AMPD2: variants seen among roughly 807,000 people sequenced by gnomAD.
AMPD2 encodes the protein adenosine monophosphate deaminase 2.
AMPD2 carries 52 observed loss-of-function variants against 91.3 expected under a neutral mutation model. The observed-to-expected ratio is 0.57, with a 90% CI of 0.46 to 0.72. AMPD2 has a LOEUF of 0.72. Ranked by LOEUF, AMPD2 falls within the 30% of genes least tolerant of loss-of-function variation. AMPD2 has a pLI of 0.00. For synonymous variants in AMPD2, 455 were observed against 456.4 expected (o/e 1.00, Z 0.04); for missense variants, 822 against 1,122.3 (o/e 0.73, Z 3.82).
intron 6 of AMPD2, 75 bp downstream of exon 6, chr1:109,626,502 G>A (rs1366411503): frequency 6.9e-7 from 1 of 1,445,606 alleles, no homozygotes; most frequent in South Asian, 1.3e-5. Context: ...GGAGAGCTGG[G>A]GGTGGGGGCT....
Position 109,628,080 on chromosome 1 carries a change from C to A in AMPD2, c.1081-3C>A. 1 of 1,612,608 alleles carries A rather than the reference C, an allele frequency of 6.2e-7. No homozygotes were observed. Among genetic ancestry groups the A allele is most frequent in the Non-Finnish European group, 8.5e-7 (1 of 1,179,170 alleles). On this transcript the variant is annotated splice_region_variant and splice_polypyrimidine_tract_variant and intron_variant, in intron 10 of 18. Coordinates refer to ENST00000528667, the MANE Select transcript of AMPD2 (RefSeq NM_001368809.2). The surrounding 1 kb of genome is among the most constrained non-coding windows in gnomAD (Gnocchi z 7.1). Reference sequence around the variant, plus strand: ...GGATCAGCAGTGCCCTGTTCCATTCCAGGTGGACACCCACATCCATGCCTC... The same window carrying A: ...GGATCAGCAGTGCCCTGTTCCATTCAAGGTGGACACCCACATCCATGCCTC...
chr1:109,624,007 C>T lies in AMPD2; in HGVS notation c.92-1296C>T. ...CACTTGGTACAGCCTGTGCCAGCCC[C>T]TGAGGGACCGGCTGCAGCTTCACTG... On this transcript the variant is annotated intron_variant, in intron 2 of 18. Coordinates refer to ENST00000528667, the MANE Select transcript of AMPD2 (RefSeq NM_001368809.2). This position sits in a 1 kb window ranked among gnomAD's most constrained non-coding sequence, Gnocchi z 5.2. 1 of 985,764 alleles carries T rather than the reference C, an allele frequency of 1.0e-6. No homozygotes were observed. The highest frequency in any genetic ancestry group is 1.2e-6 in the Non-Finnish European group (1 of 830,180). The allele number at this position is 985,764 out of a possible 1,614,324, so 61.1% of individuals were successfully genotyped here.
rs1306835212 is a variant in AMPD2 at position 109,628,834 on chromosome 1, C to A, written c.1571+28C>A. ...GAGTGTCCCTGGAGTGGGAGGGGAA[C>A]CTGCGGGGTCATATTCAAGGGGTCA... On this transcript the variant is annotated intron_variant, in intron 13 of 18. Transcript: ENST00000528667. The surrounding 1 kb of genome is among the most constrained non-coding windows in gnomAD (Gnocchi z 7.1). 3.9e-6 allele frequency: 6 copies of A among 1,543,752 alleles called. No individual in the cohort carries two copies. The highest frequency in any genetic ancestry group is 2.0e-4 in the Middle Eastern group (1 of 4,896).
chr1:109,623,997 G>C, intron 2 of AMPD2: 1 of 985,690 alleles, frequency 1.0e-6, no homozygotes, highest in Non-Finnish European at 1.2e-6. Context: ...GGTACAGCCT[G>C]TGCCAGCCCC....
Position 109,628,941 on chromosome 1 carries a change from G to A in AMPD2, c.1571+135G>A, listed in dbSNP as rs1650960082. 3 of 1,431,722 alleles carry A rather than the reference G, an allele frequency of 2.1e-6. No homozygotes were observed. Among genetic ancestry groups the A allele is most frequent in the African/African-American group, 1.4e-5 (1 of 70,262 alleles). The allele number at this position is 1,431,722 out of a possible 1,614,324, so 88.7% of individuals were successfully genotyped here. Reference sequence around the variant, plus strand: ...TCTGAGTGCAAGGAAGGGCTTCCTGGTCCCATCCATGGTCTGTCCAGCCTG... The same window carrying A: ...TCTGAGTGCAAGGAAGGGCTTCCTGATCCCATCCATGGTCTGTCCAGCCTG... On this transcript the variant is annotated intron_variant, in intron 13 of 18. Coordinates refer to ENST00000528667, the MANE Select transcript of AMPD2 (RefSeq NM_001368809.2). The surrounding 1 kb of genome is among the most constrained non-coding windows in gnomAD (Gnocchi z 7.1).
chr1:109,622,238 G>T (rs529418564), intron 2 of AMPD2: 14 of 456,224 alleles, frequency 3.1e-5, no homozygotes, highest in Middle Eastern at 3.2e-4. Flanking sequence ...GCCCAGGTCT[G>T]TGCCATCCAG....
At position 109,624,657 on chromosome 1, in the gene AMPD2, G is replaced by T. The variant is rs1570581317; in HGVS notation, c.92-646G>T. Among the ~76,000 whole-genome samples the T allele has an allele frequency of 6.6e-6, 1 of 152,254 alleles. No homozygotes were observed. The highest frequency in any genetic ancestry group is 1.9e-4 in the East Asian group (1 of 5,168). ...GGGGACAGGGCGGGCCTCCAGGGAG[G>T]AGGTAGGGTTCCCTTGCCAACCAGG... is the stretch of plus-strand genomic sequence containing the variant. On this transcript the variant is annotated intron_variant, in intron 2 of 18. Coordinates refer to ENST00000528667, the MANE Select transcript of AMPD2 (RefSeq NM_001368809.2). This position sits in a 1 kb window ranked among gnomAD's most constrained non-coding sequence, Gnocchi z 5.2.
chr1:109,626,558 G>A lies in AMPD2; in HGVS notation c.531+131G>A, dbSNP rs1390424424. ...CAGCAGCTGGAGGGGCGGAGGGGCA[G>A]AGGGGCTGCCTAGGAGCCACTTGAT... On this transcript the variant is annotated intron_variant, in intron 6 of 18. Coordinates refer to ENST00000528667, the MANE Select transcript of AMPD2 (RefSeq NM_001368809.2). The A allele has an allele frequency of 5.4e-6, 7 of 1,301,308 alleles. No individual in the cohort carries two copies. The Admixed American group carries it at 1.5e-4, about 28-fold the overall frequency. The allele number at this position is 1,301,308 out of a possible 1,614,324, so 80.6% of individuals were successfully genotyped here. A position where few individuals can be genotyped will look rare whatever the true frequency, so the allele number is the denominator to read the frequency against.
In AMPD2 at chr1:109,625,620, G is replaced by A. The variant is rs747939217; in HGVS notation, c.223-42G>A. On this transcript the variant is annotated intron_variant, in intron 3 of 18. Coordinates refer to ENST00000528667, the MANE Select transcript of AMPD2 (RefSeq NM_001368809.2). This position sits in a 1 kb window ranked among gnomAD's most constrained non-coding sequence, Gnocchi z 4.0. ...CAGACTCTGTAGGAGAGTGCCCGAG[G>A]GCGGAGGGCCAGCCATGCTGACCTT... is the stretch of plus-strand genomic sequence containing the variant. 3 of 1,609,742 alleles carry A rather than the reference G, an allele frequency of 1.9e-6. No homozygotes were observed. Among genetic ancestry groups the A allele is most frequent in the Admixed American group, 1.7e-5 (1 of 59,846 alleles).
chr1:109,628,031 C>T lies in AMPD2; in HGVS notation c.1081-52C>T. ...TCCTTTCCCATTGCACTGCCCCAGG[C>T]CCCAGACCTTCCTGGCCTCTGGTGG... On this transcript the variant is annotated intron_variant, in intron 10 of 18. Coordinates refer to ENST00000528667, the MANE Select transcript of AMPD2 (RefSeq NM_001368809.2). This position sits in a 1 kb window ranked among gnomAD's most constrained non-coding sequence, Gnocchi z 7.1. The T allele has an allele frequency of 1.9e-6, 3 of 1,599,756 alleles. No individual in the cohort carries two copies. Among genetic ancestry groups the T allele is most frequent in the South Asian group, 2.3e-5 (2 of 88,858 alleles).
In AMPD2 at chr1:109,628,878, C is replaced by G. The variant is rs1008154078; in HGVS notation, c.1571+72C>G. 5 of 1,501,954 alleles carry G rather than the reference C, an allele frequency of 3.3e-6. No individual in the cohort carries two copies. The highest frequency in any genetic ancestry group is 4.5e-6 in the Non-Finnish European group (5 of 1,119,786). The allele number at this position is 1,501,954 out of a possible 1,614,324, so 93.0% of individuals were successfully genotyped here. A position where few individuals can be genotyped will look rare whatever the true frequency, so the allele number is the denominator to read the frequency against. On this transcript the variant is annotated intron_variant, in intron 13 of 18. Transcript: ENST00000528667. This position sits in a 1 kb window ranked among gnomAD's most constrained non-coding sequence, Gnocchi z 7.1. The stretch of plus-strand genomic sequence containing the variant: ...GGGGTCAGGGCCTGCCTCCTGCCCT[C>G]CTAGGATGGCTGAGCCTCCCTTGTC...
intron 2 of AMPD2, 108 bp downstream of exon 2, chr1:109,621,374 C>G: frequency 9.7e-7 from 1 of 1,029,772 alleles, no homozygotes; most frequent in Non-Finnish European, 1.3e-6. Context: ...GGCATCCTCT[C>G]TGTGGTGGTG....
rs1454867102 is a variant in AMPD2 at position 109,620,208 on chromosome 1, G to A, written c.-333G>A. The A allele has an allele frequency of 6.2e-7, 1 of 1,613,518 alleles. No homozygotes were observed. On this transcript the variant is annotated 5_prime_UTR_variant, in exon 1 of 19. Transcript: ENST00000528667. ...GCCCGATCCCCCTGCCGTCCCTCAG[G>A]ACCCGGGCTTTCTGCTGTACAGACT...
intron 4 of AMPD2, 84 bp from the exon 5 acceptor site, chr1:109,626,076 C>T (rs920269042): frequency 5.5e-6 from 8 of 1,450,964 alleles, no homozygotes; most frequent in Non-Finnish European, 7.7e-6. Context: ...ACAACATGTG[C>T]ACAGCACCTA....
Position 109,630,804 on chromosome 1 carries a change from G to T in AMPD2, c.2268+11G>T. 6.2e-7 allele frequency: 1 copy of T among 1,602,154 alleles called. No homozygotes were observed. The highest frequency in any genetic ancestry group is 8.5e-7 in the Non-Finnish European group (1 of 1,174,458). On this transcript the variant is annotated intron_variant, in intron 18 of 18. Coordinates refer to ENST00000528667, the MANE Select transcript of AMPD2 (RefSeq NM_001368809.2). ...GGCTTCTCGCACAAGGTACTACAGC[G>T]CCTGCCTGGACCTTGGCATGGCATC...
chr1:109,625,467 T>A lies in AMPD2; in HGVS notation c.222+34T>A. 6.2e-7 allele frequency: 1 copy of A among 1,613,490 alleles called. No homozygotes were observed. Among genetic ancestry groups the A allele is most frequent in the Non-Finnish European group, 8.5e-7 (1 of 1,179,796 alleles). On this transcript the variant is annotated intron_variant, in intron 3 of 18. Transcript: ENST00000528667. This position sits in a 1 kb window ranked among gnomAD's most constrained non-coding sequence, Gnocchi z 4.0. ...TGGCACCACCCGCACCCTCACCCCGTGTCTCCATGCCCTGCCTCTGCTCCC... is the reference window on the plus strand; with the variant it reads ...TGGCACCACCCGCACCCTCACCCCGAGTCTCCATGCCCTGCCTCTGCTCCC...
intron 15 of AMPD2, 71 bp from the exon 16 acceptor site, chr1:109,629,725 G>GA (rs1440667541): frequency 7.2e-7 from 1 of 1,390,910 alleles, no homozygotes; most frequent in Non-Finnish European, 9.3e-7. Context: ...CGTGCTGGGT[G>GA]GGGGTCAGGG....
At chr1:109,630,517 G>A (rs950728840) in intron 17 of AMPD2, 111 bp downstream of exon 17, 19 of 1,298,564 alleles carry the variant, frequency 1.5e-5, no homozygotes, top group Non-Finnish European at 1.9e-5. Flanking sequence ...GCTGCCCCCT[G>A]CTGGTAGAGC....
In AMPD2 at chr1:109,628,503, G is replaced by A; in HGVS notation, c.1407+8G>A. 1 of 1,612,134 alleles carries A rather than the reference G, an allele frequency of 6.2e-7. No individual in the cohort carries two copies. Among genetic ancestry groups the A allele is most frequent in the South Asian group, 1.1e-5 (1 of 91,076 alleles). On this transcript the variant is annotated splice_region_variant and intron_variant, in intron 12 of 18. Transcript: ENST00000528667. The surrounding 1 kb of genome is among the most constrained non-coding windows in gnomAD (Gnocchi z 7.1). ...TTTGCTCACATCATCAAGGTAAGGA[G>A]GCAGCCTTCCCTGCCAAGCCTCGAG...
Sources: allele counts gnomAD v4.1 joint callset (sites outside exome capture counted in the v4.1 genomes callset), GRCh38; gene constraint gnomAD v4.1.1; non-coding constraint Gnocchi (gnomAD v3.1); transcripts MANE v1.5; gene names NCBI Gene and HGNC (gene_info 2026-07-23, HGNC 2026-07-21).